FRK: variants seen among roughly 807,000 people sequenced by gnomAD.
FRK encodes tyrosine-protein kinase FRK.
Under a neutral mutation model 56.4 loss-of-function variants are expected in FRK, and 51 were observed. The ratio of observed to expected loss-of-function variants is 0.90; its 90% CI spans 0.72 to 1.14. The LOEUF is 1.14. FRK is among the 50% of genes most tolerant of loss of function. The pLI is 0.00. For synonymous variants in FRK, 245 were observed against 217.9 expected, an observed-to-expected ratio of 1.12 and a Z score of -1.10; for missense variants, 570 against 601.4, an observed-to-expected ratio of 0.95 and a Z score of 0.55.
intron 2 of FRK, among the ~76,000 whole-genome samples, chr6:115,969,223 T>C (rs1019979539): frequency 1.1e-4 from 17 of 152,178 alleles, no homozygotes; most frequent in African/African-American, 4.1e-4. Flanking sequence ...CAATACCGTC[T>C]TACAATAATG....
At chr6:116,003,799 C>T (rs1046954313) in intron 2 of FRK, 78 bp downstream of exon 2, 49 of 1,497,212 alleles carry the variant, frequency 3.3e-5, no homozygotes, top group South Asian at 2.7e-4. Flanking sequence ...TTTAAATGAT[C>T]GTGTCCATGT....
chr6:116,012,566 T>C (rs1186428396), intron 1 of FRK, among the ~76,000 whole-genome samples: 1 of 152,222 alleles, frequency 6.6e-6, no homozygotes, highest in Non-Finnish European at 1.5e-5. Flanking sequence ...CAGAGTCTGA[T>C]AACTTCACAT....
chr6:115,952,612 C>T (rs1370351111), intron 5 of FRK, among the ~76,000 whole-genome samples: 4 of 151,732 alleles, frequency 2.6e-5, no homozygotes, highest in African/African-American at 9.7e-5. Context: ...GCTATAAAGA[C>T]ACATGCACAT....
At chr6:115,975,584 A>G (rs905893352) in intron 2 of FRK, among the ~76,000 whole-genome samples, 2 of 152,132 alleles carry the variant, frequency 1.3e-5, no homozygotes, top group African/African-American at 4.8e-5. Context: ...GATCTTTATT[A>G]TTGAACTGAG....
At chr6:115,949,488 C>A (rs919307899) in intron 5 of FRK, among the ~76,000 whole-genome samples, 2 of 152,064 alleles carry the variant, frequency 1.3e-5, no homozygotes, top group Non-Finnish European at 2.9e-5. Flanking sequence ...GTGTTAAGGA[C>A]CTCTTTAAAG....
the FRK span, among the ~76,000 whole-genome samples, chr6:116,099,171 A>G: frequency 2.0e-5 from 3 of 152,126 alleles, no homozygotes; most frequent in African/African-American, 7.2e-5. Context: ...CCCTTACCCC[A>G]AGTCAATTTC....
chr6:116,009,779 C>T (rs9320553), intron 1 of FRK, among the ~76,000 whole-genome samples: 117,480 of 152,120 alleles, frequency 0.77, 46,091 homozygotes, highest in Middle Eastern at 0.91. Flanking sequence ...AAGTGTCTAC[C>T]GTATGTAAAT....
rs541669981 is a variant in FRK at position 116,060,263 on chromosome 6, G to T, written c.49C>A (p.Pro17Thr). 2.8e-5 allele frequency: 46 copies of T among 1,614,114 alleles called. No individual in the cohort carries two copies. The South Asian group carries it at 4.9e-4, about 17-fold the overall frequency. ...TTGTCTGCCTCCGTGGACAAACAGG[G>T]GAGATAGGGTTCTAGGTACTCCCAG... ...RLWEYLEPYL[P>T]CLSTEADKST... is the part of the protein sequence containing the mutation. Residue 17 changes from proline (P) to threonine (T), a missense_variant, in exon 1 of 8, where the codon CCC becomes ACC. Pro to Thr is a conservative substitution (Grantham distance 38). Transcript: ENST00000606080.
At chr6:116,003,739 A>T in intron 2 of FRK, 138 bp downstream of exon 2, 1 of 814,526 alleles carries the variant, frequency 1.2e-6, no homozygotes, top group Non-Finnish European at 1.9e-6. Flanking sequence ...ACTCTTAAGT[A>T]GTTTAGTATT....
intron 4 of FRK, among the ~76,000 whole-genome samples, chr6:115,960,516 G>T (rs1267932009): frequency 5.4e-5 from 8 of 147,392 alleles, no homozygotes; most frequent in Non-Finnish European, 1.1e-4. Flanking sequence ...AAAGCAGCCC[G>T]GAAGCTCGAA....
intron 1 of FRK, among the ~76,000 whole-genome samples, chr6:116,013,490 T>C (rs1440596716): frequency 3.9e-5 from 6 of 152,186 alleles, no homozygotes; most frequent in African/African-American, 1.4e-4. Flanking sequence ...ACATTTGTGA[T>C]AATGTTTGTC....
intron 1 of FRK, among the ~76,000 whole-genome samples, chr6:116,034,697 C>T (rs1320688541): frequency 1.3e-5 from 2 of 152,042 alleles, no homozygotes; most frequent in African/African-American, 4.8e-5. Context: ...GACATACCCA[C>T]AAAAATCTGG....
At chr6:115,989,391 A>G (rs967363603) in intron 2 of FRK, among the ~76,000 whole-genome samples, 2 of 151,846 alleles carry the variant, frequency 1.3e-5, no homozygotes, top group African/African-American at 4.8e-5. Flanking sequence ...CCCATCACCC[A>G]AATAGTAAGC....
chr6:115,967,706 G>A lies in FRK; in HGVS notation c.644C>T (p.Ala215Val). The A allele has an allele frequency of 1.2e-6, 2 of 1,605,806 alleles. No homozygotes were observed. The highest frequency in any genetic ancestry group is 2.2e-5 in the South Asian group (2 of 89,948). ...GKPCLKIQVP[A>V]PFDLSYKTVD... Reference sequence around the variant, plus strand: ...GGTTTTATACGACAAATCAAATGGAGCTGGGACCTGGATCTGTTTCATAGA... The same window carrying A: ...GGTTTTATACGACAAATCAAATGGAACTGGGACCTGGATCTGTTTCATAGA... Residue 215 changes from alanine (A) to valine (V), a missense_variant, in exon 4 of 8, where the codon GCT becomes GTT. Transcript: ENST00000606080.
intron 2 of FRK, among the ~76,000 whole-genome samples, chr6:115,990,932 C>T (rs1179950757): frequency 6.6e-6 from 1 of 151,794 alleles, no homozygotes; most frequent in African/African-American, 2.4e-5. Context: ...TTGTTTGTGT[C>T]ATCTACAGTT....
At chr6:116,099,970 T>A in the FRK span, among the ~76,000 whole-genome samples, 1 of 152,260 alleles carries the variant, frequency 6.6e-6, no homozygotes, top group Admixed American at 6.5e-5. Flanking sequence ...TTAAATGCCC[T>A]AAGGCATACA....
At chr6:115,992,356 T>C (rs551648786) in intron 2 of FRK, among the ~76,000 whole-genome samples, 8 of 151,844 alleles carry the variant, frequency 5.3e-5, no homozygotes, top group Admixed American at 5.3e-4. Context: ...GCATATAACT[T>C]GATTATTATG....
chr6:116,099,337 C>T, the FRK span, among the ~76,000 whole-genome samples: 1 of 152,204 alleles, frequency 6.6e-6, no homozygotes, highest in Non-Finnish European at 1.5e-5. Flanking sequence ...AGCACCTACT[C>T]CCACATGAAA....
chr6:116,000,383 C>A (rs575729388), intron 2 of FRK, among the ~76,000 whole-genome samples: 1 of 151,882 alleles, frequency 6.6e-6, no homozygotes, highest in Non-Finnish European at 1.5e-5. Flanking sequence ...GCTGGAATTA[C>A]AGGTGTGCAC....
Sources: gnomAD v4.1 joint callset for allele counts (sites outside exome capture counted in the v4.1 genomes callset) on GRCh38, gnomAD v4.1.1 for gene constraint, MANE v1.5 for transcripts, NCBI Gene and HGNC (gene_info 2026-07-23, HGNC 2026-07-21) for gene names.